Variants in NTRK3 observed in about 807,000 individuals in gnomAD.
NTRK3 encodes the protein NT-3 growth factor receptor.
A neutral mutation model predicts 91.7 loss-of-function variants in NTRK3; 24 were observed. The ratio of observed to expected loss-of-function variants is 0.26; its 90% CI spans 0.19 to 0.37. The LOEUF is 0.37. Ranked by LOEUF, NTRK3 falls within the 10% of genes least tolerant of loss-of-function variation. The pLI is 1.00. For missense variants in NTRK3, 880 were observed against 1,068.9 expected (o/e 0.82, Z 2.46); for synonymous variants, 483 against 404.0 (o/e 1.20, Z -2.34).
At chr15:87,996,700 G>A (rs2075730754) in intron 14 of NTRK3, among the ~76,000 whole-genome samples, 1 of 152,184 alleles carries the variant, frequency 6.6e-6, no homozygotes, top group African/African-American at 2.4e-5. Flanking sequence ...CATCAGACCT[G>A]AGGCAAGCCA....
At chr15:88,247,230 C>T (rs2052924644) in intron 3 of NTRK3, among the ~76,000 whole-genome samples, 1 of 152,168 alleles carries the variant, frequency 6.6e-6, no homozygotes, top group South Asian at 2.1e-4. Context: ...ACTCTAAGAG[C>T]TCCTTTCCCC....
intron 13 of NTRK3, among the ~76,000 whole-genome samples, chr15:88,074,311 G>A (rs552772876): frequency 2.1e-4 from 32 of 152,370 alleles, no homozygotes; most frequent in Non-Finnish European, 4.4e-4. Context: ...ATGATGAAGT[G>A]CATGGCACTG....
chr15:88,104,078 C>T (rs1023159688), intron 13 of NTRK3, among the ~76,000 whole-genome samples: 2 of 152,204 alleles, frequency 1.3e-5, no homozygotes, highest in African/African-American at 4.8e-5. Context: ...ATCTGCTTTG[C>T]CTCCAAAAGC....
intron 3 of NTRK3, among the ~76,000 whole-genome samples, chr15:88,191,840 A>G (rs2047424720): frequency 6.6e-6 from 1 of 152,234 alleles, no homozygotes; most frequent in Non-Finnish European, 1.5e-5. Context: ...GGATCACGCT[A>G]GCCAAGTCAC....
intron 17 of NTRK3, among the ~76,000 whole-genome samples, chr15:87,898,308 T>G (rs562443822): frequency 1.3e-5 from 2 of 152,234 alleles, no homozygotes; most frequent in Admixed American, 1.3e-4. Context: ...GCACTCCAAG[T>G]CTTTCTTTTT....
rs138427509 is a variant in NTRK3 at position 87,954,732 on chromosome 15, A to G, written c.1586-13979T>C. Among the ~76,000 whole-genome samples, 1,048 of 152,374 alleles carry G rather than the reference A, an allele frequency of 6.9e-3. 12 individuals are homozygous for G. The highest frequency in any genetic ancestry group is 0.024 in the African/African-American group (985 of 41,590). On this transcript the variant is annotated intron_variant, in intron 14 of 18. Transcript: ENST00000394480. ...CAGTGCCCATGGTTACTAATTTAAC[A>G]TGTGTGAAAAACCATGTCATCTTTT...
chr15:87,949,247 C>G (rs1343264550), intron 14 of NTRK3, among the ~76,000 whole-genome samples: 1 of 152,104 alleles, frequency 6.6e-6, no homozygotes, highest in African/African-American at 2.4e-5. Context: ...TATTTATGTC[C>G]TGGCTCCGAG....
At chr15:88,191,449 A>T (rs948301839) in intron 3 of NTRK3, among the ~76,000 whole-genome samples, 1 of 152,158 alleles carries the variant, frequency 6.6e-6, no homozygotes, top group African/African-American at 2.4e-5. Flanking sequence ...AGGCCTCCGG[A>T]TGTTTTTTAT....
chr15:88,223,636 G>A lies in NTRK3; in HGVS notation c.248+32270C>T, dbSNP rs545227720. Among the ~76,000 whole-genome samples, 11 of 152,312 alleles carry A rather than the reference G, an allele frequency of 7.2e-5. No homozygotes were observed. In the South Asian group the frequency reaches 2.3e-3, roughly 32 times the overall value. On this transcript the variant is annotated intron_variant, in intron 3 of 18. Transcript: ENST00000394480. ...ACCACTTCATCGCTCCATGGTCTTG[G>A]ACAAAGTACTCAACCTTTTGGGGTC...
chr15:87,881,328 A>G (rs932027320), intron 17 of NTRK3, among the ~76,000 whole-genome samples: 1 of 152,254 alleles, frequency 6.6e-6, no homozygotes, highest in Admixed American at 6.5e-5. Flanking sequence ...ATTGTTAAAA[A>G]AACTACTTAA....
At chr15:88,097,616 T>A (rs1344709861) in intron 13 of NTRK3, among the ~76,000 whole-genome samples, 4 of 152,258 alleles carry the variant, frequency 2.6e-5, no homozygotes, top group African/African-American at 9.6e-5. Flanking sequence ...ACCTCATTGT[T>A]ACTGATAATA....
chr15:87,868,596 T>G (rs2141398875), exon 19 of NTRK3: 1 of 220,568 alleles, frequency 4.5e-6, no homozygotes, highest in Admixed American at 5.8e-5. Context: ...AGCAACTCTG[T>G]GGAGTCTGAA....
intron 17 of NTRK3, among the ~76,000 whole-genome samples, chr15:87,910,831 T>G (rs191393919): frequency 6.4e-4 from 98 of 152,172 alleles, no homozygotes; most frequent in Non-Finnish European, 1.3e-3. Flanking sequence ...AAAGGGTAAA[T>G]TATTAATAAT....
At chr15:87,985,871 AG>A (rs1449172593) in intron 14 of NTRK3, among the ~76,000 whole-genome samples, 1 of 152,146 alleles carries the variant, frequency 6.6e-6, no homozygotes, top group Non-Finnish European at 1.5e-5. Context: ...ACTCAAAAAA[AG>A]GGGGGAGGTG....
intron 14 of NTRK3, among the ~76,000 whole-genome samples, chr15:87,965,576 A>G (rs1349564856): frequency 6.6e-6 from 1 of 152,216 alleles, no homozygotes; most frequent in African/African-American, 2.4e-5. Context: ...AACCTCCACA[A>G]TTGTGTACCT....
At chr15:87,917,431 G>C (rs909562588) in intron 17 of NTRK3, among the ~76,000 whole-genome samples, 5 of 152,144 alleles carry the variant, frequency 3.3e-5, no homozygotes, top group Admixed American at 6.5e-5. Context: ...TGACATTTAA[G>C]GCTCCTTCCA....
exon 19 of NTRK3, chr15:87,864,200 GGCCCCCACATAAACAAGAAGA>G (rs2064602325): frequency 4.3e-6 from 1 of 232,404 alleles, no homozygotes; most frequent in African/African-American, 2.2e-5. Context: ...AATCCACCAT[GGCCCCCACATAAACAAGAAGA>G]GTTCTTGATG....
chr15:87,941,324 T>C (rs1345456207), intron 14 of NTRK3, among the ~76,000 whole-genome samples: 1 of 152,184 alleles, frequency 6.6e-6, no homozygotes, highest in Non-Finnish European at 1.5e-5. Flanking sequence ...AACTTCCTCA[T>C]CTGTAAAATG....
chr15:88,204,838 C>T (rs537589942), intron 3 of NTRK3, among the ~76,000 whole-genome samples: 126 of 152,318 alleles, frequency 8.3e-4, no homozygotes, highest in South Asian at 1.5e-3. Flanking sequence ...GCACATTCAT[C>T]AGGTGTCACC....
Sources: allele counts gnomAD v4.1 joint callset (sites outside exome capture counted in the v4.1 genomes callset), GRCh38; gene constraint gnomAD v4.1.1; transcripts MANE v1.5; gene names NCBI Gene and HGNC (gene_info 2026-07-23, HGNC 2026-07-21).